The following KSR2 variants were observed in gnomAD, a reference collection of about 807,000 sequenced individuals.
KSR2 encodes the protein kinase suppressor of ras 2.
KSR2 carries 25 observed loss-of-function variants against 107.8 expected under a neutral mutation model. The ratio of observed to expected loss-of-function variants is 0.23; its 90% CI spans 0.17 to 0.32. The LOEUF is 0.32. KSR2 is among the 10% of genes least tolerant of loss of function. The pLI is 1.00. For synonymous variants in KSR2, 480 were observed against 507.0 expected (o/e 0.95, Z 0.71); for missense variants, 887 against 1,268.9 (o/e 0.70, Z 4.57).
At chr12:117,956,254 A>C in intron 1 of KSR2, among the ~76,000 whole-genome samples, 1 of 119,072 alleles carries the variant, frequency 8.4e-6, no homozygotes, top group South Asian at 2.6e-4. Flanking sequence ...TGTCTCAAAA[A>C]AAAAAAAAAA....
intron 4 of KSR2, among the ~76,000 whole-genome samples, chr12:117,675,846 C>T (rs1885096761): frequency 6.6e-6 from 1 of 152,248 alleles, no homozygotes; most frequent in African/African-American, 2.4e-5. Context: ...CCTCACAAGC[C>T]TGCTTTGAGG....
At chr12:117,824,720 G>A (rs1328750206) in intron 3 of KSR2, among the ~76,000 whole-genome samples, 1 of 151,730 alleles carries the variant, frequency 6.6e-6, no homozygotes, top group Non-Finnish European at 1.5e-5. Context: ...AGCTGGGTGT[G>A]GTGGCAGGCG....
chr12:117,801,317 C>T (rs376409738), intron 3 of KSR2, among the ~76,000 whole-genome samples: 168 of 147,266 alleles, frequency 1.1e-3, no homozygotes, highest in African/African-American at 3.7e-3. Flanking sequence ...TTAGTAGAGA[C>T]GAGGTTTTGT....
At chr12:117,916,562 G>T (rs558902223) in intron 1 of KSR2, among the ~76,000 whole-genome samples, 5 of 152,306 alleles carry the variant, frequency 3.3e-5, no homozygotes, top group East Asian at 1.9e-4. Flanking sequence ...TATAATTTAT[G>T]ATTCTTTTGG....
intron 5 of KSR2, among the ~76,000 whole-genome samples, chr12:117,658,752 G>T (rs1884293678): frequency 6.6e-6 from 1 of 152,240 alleles, no homozygotes; most frequent in African/African-American, 2.4e-5. Context: ...AGAGGACCAG[G>T]CTTGTTGGGG....
chr12:117,793,118 A>AC (rs35714783), intron 3 of KSR2, among the ~76,000 whole-genome samples: 30 of 144,674 alleles, frequency 2.1e-4, no homozygotes, highest in Admixed American at 5.4e-4. Flanking sequence ...ACGTGCACAC[A>AC]AACATGCACA....
chr12:117,488,508 C>T (rs375121954), intron 14 of KSR2, among the ~76,000 whole-genome samples: 3 of 152,144 alleles, frequency 2.0e-5, no homozygotes, highest in East Asian at 1.9e-4. Context: ...GTCATGAGAG[C>T]GGAGCCTCAT....
At chr12:117,605,259 C>T (rs1325485438) in intron 5 of KSR2, among the ~76,000 whole-genome samples, 1 of 152,176 alleles carries the variant, frequency 6.6e-6, no homozygotes, top group Non-Finnish European at 1.5e-5. Context: ...GTTAAGGACA[C>T]TCTCTCCAAC....
At chr12:117,744,185 G>A (rs557339152) in intron 4 of KSR2, among the ~76,000 whole-genome samples, 1 of 152,192 alleles carries the variant, frequency 6.6e-6, no homozygotes, top group Non-Finnish European at 1.5e-5. Context: ...AAGTTGCATG[G>A]CACTGGTCAA....
chr12:117,651,089 GT>G (rs1883885907), intron 5 of KSR2, among the ~76,000 whole-genome samples: 1 of 152,210 alleles, frequency 6.6e-6, no homozygotes, highest in African/African-American at 2.4e-5. Flanking sequence ...GGGACATTGA[GT>G]TTGTAAACTC....
intron 7 of KSR2, among the ~76,000 whole-genome samples, chr12:117,568,312 T>C (rs1424540615): frequency 1.3e-5 from 2 of 152,158 alleles, no homozygotes; most frequent in East Asian, 1.9e-4. Flanking sequence ...GAAAGGATGA[T>C]GGGAGCATGT....
Position 117,760,918 on chromosome 12 carries a change from G to T in KSR2, c.986+93C>A, listed in dbSNP as rs577461650. On this transcript the variant is annotated intron_variant, in intron 4 of 19. Transcript: ENST00000339824. ...GAGTCTGGAACGCAAGTCTGTTCCC[G>T]GTTTCCTTGACCTGGGCAGTTCCTG... 3 of 1,508,860 alleles carry T rather than the reference G, an allele frequency of 2.0e-6. No homozygotes were observed. In the South Asian group the frequency reaches 3.5e-5, roughly 18 times the overall value. 93.5% of individuals were successfully genotyped at this position (1,508,860 alleles called of 1,614,324 possible).
At chr12:117,865,167 TTGTTTA>T (rs1376922759) in intron 1 of KSR2, among the ~76,000 whole-genome samples, 1 of 152,230 alleles carries the variant, frequency 6.6e-6, no homozygotes, top group Admixed American at 6.5e-5. Flanking sequence ...TTTATCTAGT[TTGTTTA>T]AAGTACAGGT....
chr12:117,600,837 A>C (rs1880899171), intron 5 of KSR2, among the ~76,000 whole-genome samples: 1 of 152,152 alleles, frequency 6.6e-6, no homozygotes, highest in Non-Finnish European at 1.5e-5. Flanking sequence ...GAGGGCAGGC[A>C]AAAGATGTTC....
chr12:117,541,473 T>G (rs1876489064), intron 9 of KSR2, among the ~76,000 whole-genome samples: 1 of 152,192 alleles, frequency 6.6e-6, no homozygotes, highest in Non-Finnish European at 1.5e-5. Flanking sequence ...TGGCAAGAGA[T>G]GAGCAAAAGC....
At chr12:117,786,312 ATTTTTTATT>A (rs917197293) in intron 3 of KSR2, among the ~76,000 whole-genome samples, 1 of 151,468 alleles carries the variant, frequency 6.6e-6, no homozygotes, top group Non-Finnish European at 1.5e-5. Flanking sequence ...ATACTAACAT[ATTTTTTATT>A]TTTTTTATTT....
intron 1 of KSR2, among the ~76,000 whole-genome samples, chr12:117,904,135 G>A (rs1336565406): frequency 6.6e-6 from 1 of 152,062 alleles, no homozygotes; most frequent in South Asian, 2.1e-4. Flanking sequence ...AGAAAACATC[G>A]CCTGTCAGGT....
At chr12:117,802,659 C>T (rs537713140) in intron 3 of KSR2, among the ~76,000 whole-genome samples, 1 of 152,204 alleles carries the variant, frequency 6.6e-6, no homozygotes, top group African/African-American at 2.4e-5. Context: ...CTGGGAAAAA[C>T]CAAGTGTCAG....
chr12:117,750,418 A>G (rs1031806821), intron 4 of KSR2, among the ~76,000 whole-genome samples: 6 of 152,082 alleles, frequency 3.9e-5, no homozygotes, highest in Non-Finnish European at 5.9e-5. Flanking sequence ...AAAGATCTCA[A>G]TTCAAAATAA....
Sources: gnomAD v4.1 joint callset for allele counts (sites outside exome capture counted in the v4.1 genomes callset) on GRCh38, gnomAD v4.1.1 for gene constraint, MANE v1.5 for transcripts, NCBI Gene and HGNC (gene_info 2026-07-23, HGNC 2026-07-21) for gene names.